HDLBP: variants seen among roughly 807,000 people sequenced by gnomAD.
HDLBP encodes the protein high density lipoprotein binding protein, also known as vigilin.
Under a neutral mutation model 137.3 loss-of-function variants are expected in HDLBP, and 30 were observed. The observed-to-expected ratio is 0.22, with a 90% CI of 0.16 to 0.30. The LOEUF is 0.30. Among genes scored for constraint, HDLBP ranks in the 10% least tolerant of loss-of-function variants. HDLBP has a pLI of 1.00. For missense variants in HDLBP, 1,119 were observed against 1,667.3 expected (o/e 0.67, Z 5.73); for synonymous variants, 606 against 596.0 (o/e 1.02, Z -0.24).
At chr2:241,271,078 C>T (rs1265878932) in intron 1 of HDLBP, 4 of 985,320 alleles carry the variant, frequency 4.1e-6, no homozygotes, top group Admixed American at 6.1e-5. Flanking sequence ...CTTCTTTCCC[C>T]TTTCTGGCCA....
In HDLBP at chr2:241,230,983, A is replaced by C. The variant is rs1293870247; in HGVS notation, c.3289-39T>G. ...ATGTAGTCAGAAAAGGGGATGCCTT[A>C]CTGGGATTCCCGTCAGGGGCAAGAG... On this transcript the variant is annotated intron_variant, in intron 24 of 27. Coordinates refer to ENST00000310931, the MANE Select transcript of HDLBP (RefSeq NM_005336.6). The surrounding 1 kb of genome is among the most constrained non-coding windows in gnomAD (Gnocchi z 5.0). 1.3e-6 allele frequency: 2 copies of C among 1,569,490 alleles called. No individual in the cohort carries two copies. Among genetic ancestry groups the C allele is most frequent in the Admixed American group, 1.7e-5 (1 of 59,690 alleles).
Position 241,239,969 on chromosome 2 carries a change from T to A in HDLBP, c.2323A>T (p.Thr775Ser). 3 of 1,614,206 alleles carry A rather than the reference T, an allele frequency of 1.9e-6. No individual in the cohort carries two copies. The highest frequency in any genetic ancestry group is 2.5e-6 in the Non-Finnish European group (3 of 1,180,032). The part of the protein sequence containing the change: ...AAEDKDQDLI[T>S]IIGKEDAVRE... ...ACGGCGTCCTCCTTTCCAATGATGG[T>A]GATCAGGTCCTGGTCCTTGTCCTCA... is the stretch of plus-strand genomic sequence containing the variant. Residue 775 changes from threonine (T) to serine (S), a missense_variant, in exon 18 of 28, where the codon ACC (threonine) becomes TCC (serine). Transcript: ENST00000310931. The surrounding 1 kb of genome is among the most constrained non-coding windows in gnomAD (Gnocchi z 4.6).
rs758962560 is a variant in HDLBP, at chr2:241,255,040, CG to C, written c.1188+10del. 1 of 1,571,740 alleles carries C rather than the reference CG, an allele frequency of 6.4e-7. No individual in the cohort carries two copies. The highest frequency in any genetic ancestry group is 1.1e-5 in the South Asian group (1 of 90,128). ...CAAATTCAATACAACAGGTGAAAAA[CG>C]TGTCCTTACCTTTGGCATCTGCTGA... On this transcript the variant is annotated intron_variant, in intron 9 of 27. Transcript: ENST00000310931.
At chr2:241,275,861 G>T (rs1290348477) in intron 1 of HDLBP, among the ~76,000 whole-genome samples, 1 of 152,080 alleles carries the variant, frequency 6.6e-6, no homozygotes, top group African/African-American at 2.4e-5. Context: ...CATATTCAAA[G>T]ATAAAGCAAC....
At chr2:241,299,552 A>G (rs1212464314) in intron 1 of HDLBP, among the ~76,000 whole-genome samples, 2 of 150,560 alleles carry the variant, frequency 1.3e-5, no homozygotes, top group East Asian at 3.9e-4. Context: ...TAAACACCCT[A>G]ATTTGGAAAT....
intron 11 of HDLBP, among the ~76,000 whole-genome samples, chr2:241,252,484 A>G (rs1178481038): frequency 6.6e-6 from 1 of 152,250 alleles, no homozygotes; most frequent in Non-Finnish European, 1.5e-5. Flanking sequence ...CCTGGGTGAC[A>G]GAGTGAGACC....
rs745470341 is a variant in HDLBP, at chr2:241,262,761, C to T, written c.400G>A (p.Asp134Asn). The T allele has an allele frequency of 1.9e-6, 3 of 1,614,190 alleles. No individual in the cohort carries two copies. The highest frequency in any genetic ancestry group is 2.5e-6 in the Non-Finnish European group (3 of 1,180,030). The change falls in exon 5 of 28, where the codon GAT becomes AAT. Residue 134 changes from aspartate (D) to asparagine (N), a missense_variant. Asp to Asn is a conservative substitution (Grantham distance 23, BLOSUM62 1). Coordinates refer to ENST00000310931, the MANE Select transcript of HDLBP (RefSeq NM_005336.6). ...TCCTTCCGAGCTTTCATGACAGCAT[C>T]CAGCTTTCCTGACACCATGATGGAG... ...GLSIMVSGKL[D>N]AVMKARKDIV...
chr2:241,274,555 C>T (rs567264245), intron 1 of HDLBP, among the ~76,000 whole-genome samples: 2 of 152,250 alleles, frequency 1.3e-5, no homozygotes, highest in African/African-American at 4.8e-5. Flanking sequence ...GGTAGGGATT[C>T]GGTCCGCTGT....
At chr2:241,298,525 T>C (rs73116328) in intron 1 of HDLBP, among the ~76,000 whole-genome samples, 4,371 of 152,248 alleles carry the variant, frequency 0.029, 141 homozygotes, top group African/African-American at 0.077. Flanking sequence ...TGAGCCAATA[T>C]TGACATAAAT....
At chr2:241,276,987 A>T (rs1312290225) in intron 1 of HDLBP, among the ~76,000 whole-genome samples, 3 of 131,454 alleles carry the variant, frequency 2.3e-5, no homozygotes, top group Admixed American at 7.5e-5. Flanking sequence ...GCCAGGAGCT[A>T]AAAAAAAAAA....
In HDLBP at chr2:241,281,551, T is replaced by A. The variant is rs1167648564; in HGVS notation, c.-102-13010A>T. Among the ~76,000 whole-genome samples the A allele has an allele frequency of 3.3e-5, 5 of 152,078 alleles. No individual in the cohort carries two copies. In the East Asian group the frequency reaches 9.6e-4, roughly 29 times the overall value. On this transcript the variant is annotated intron_variant, in intron 1 of 27. Transcript: ENST00000310931. ...AATAAAAAAGAGGATAGGACAAATGTTAGGTCCAAAAGAATAAATTGATGG... is the reference window on the plus strand; with the variant it reads ...AATAAAAAAGAGGATAGGACAAATGATAGGTCCAAAAGAATAAATTGATGG...
intron 11 of HDLBP, 136 bp from the exon 12 acceptor site, chr2:241,250,116 C>CA: frequency 1.2e-6 from 1 of 845,124 alleles, no homozygotes; most frequent in Non-Finnish European, 1.8e-6. Context: ...TGCTTAGCTT[C>CA]CCAAACAAAA....
intron 21 of HDLBP, chr2:241,236,295 A>G (rs1264802676): frequency 2.8e-6 from 1 of 362,612 alleles, no homozygotes; most frequent in Non-Finnish European, 5.1e-6. Flanking sequence ...AGACGTTGCA[A>G]CTGGAGGTCA....
At position 241,248,367 on chromosome 2, in the gene HDLBP, T is replaced by C. The variant is rs1290976494; in HGVS notation, c.1513-19A>G. On this transcript the variant is annotated intron_variant, in intron 12 of 27. Transcript: ENST00000310931. ...CATTTTCCTAAAAATACAATTAAAG[T>C]AGATGTCATTTATCACAAGCACGGC... 6.3e-7 allele frequency: 1 copy of C among 1,576,986 alleles called. No individual in the cohort carries two copies. The highest frequency in any genetic ancestry group is 8.7e-7 in the Non-Finnish European group (1 of 1,146,214).
At chr2:241,254,956 G>T in intron 9 of HDLBP, 95 bp downstream of exon 9, 1 of 943,314 alleles carries the variant, frequency 1.1e-6, no homozygotes, top group Non-Finnish European at 1.7e-6. Flanking sequence ...GTTTTCAAGG[G>T]CATCCACAGT....
At chr2:241,279,958 T>G (rs573802837) in intron 1 of HDLBP, 2 of 985,406 alleles carry the variant, frequency 2.0e-6, no homozygotes, top group South Asian at 9.4e-5. Context: ...AGGAACCCGC[T>G]GCAGTGGAGC....
At chr2:241,252,644 C>T (rs900346650) in intron 11 of HDLBP, among the ~76,000 whole-genome samples, 1 of 152,208 alleles carries the variant, frequency 6.6e-6, no homozygotes, top group South Asian at 2.1e-4. Flanking sequence ...GCAGGTCTGA[C>T]GGAAATATAG....
chr2:241,235,437 A>G (rs1419696245), intron 22 of HDLBP, 53 bp downstream of exon 22: 1 of 1,481,136 alleles, frequency 6.8e-7, no homozygotes, highest in Non-Finnish European at 9.4e-7. Flanking sequence ...GGCACTCGGG[A>G]GAGGATGCGA....
At chr2:241,235,408 G>A (rs2070285482) in intron 22 of HDLBP, 82 bp downstream of exon 22, 2 of 1,455,770 alleles carry the variant, frequency 1.4e-6, no homozygotes, top group African/African-American at 1.4e-5. Context: ...GAGTCAACAG[G>A]AAGTTGAGAA....
Sources: gnomAD v4.1 joint callset for allele counts (sites outside exome capture counted in the v4.1 genomes callset) on GRCh38, gnomAD v4.1.1 for gene constraint, Gnocchi (gnomAD v3.1) non-coding constraint, MANE v1.5 for transcripts, NCBI Gene and HGNC (gene_info 2026-07-23, HGNC 2026-07-21) for gene names.